FSTL4: variants seen among roughly 807,000 people sequenced by gnomAD.
FSTL4 encodes the protein follistatin like 4.
In FSTL4, 28 loss-of-function variants were observed where a neutral mutation model predicts 78.2. That is an observed-to-expected ratio of 0.36 (90% CI 0.27 to 0.49). The LOEUF is 0.49. Ranked by LOEUF, FSTL4 falls within the 20% of genes least tolerant of loss-of-function variation. FSTL4 has a pLI of 0.98. For synonymous variants in FSTL4, 422 were observed against 440.5 expected, an observed-to-expected ratio of 0.96 and a Z score of 0.53; for missense variants, 922 against 1,084.9, an observed-to-expected ratio of 0.85 and a Z score of 2.11.
At chr5:133,299,410 C>G (rs955065975) in intron 6 of FSTL4, among the ~76,000 whole-genome samples, 1 of 152,206 alleles carries the variant, frequency 6.6e-6, no homozygotes, top group African/African-American at 2.4e-5. Flanking sequence ...TTTCCCCCAC[C>G]CTGTGCTGTC....
chr5:133,582,115 G>A (rs1346643981), intron 2 of FSTL4, among the ~76,000 whole-genome samples: 1 of 152,222 alleles, frequency 6.6e-6, no homozygotes, highest in Non-Finnish European at 1.5e-5. Context: ...GCTTGGGCAG[G>A]CCCACACTCG....
the FSTL4 span, among the ~76,000 whole-genome samples, chr5:133,733,633 T>C: frequency 1.3e-5 from 2 of 152,386 alleles, no homozygotes; most frequent in Non-Finnish European, 2.9e-5. Context: ...AAAGGTGTTC[T>C]GTAGATAAAA....
chr5:133,232,190 G>C (rs892962047), intron 8 of FSTL4, among the ~76,000 whole-genome samples: 4 of 152,228 alleles, frequency 2.6e-5, no homozygotes, highest in Admixed American at 6.5e-5. Flanking sequence ...GCATCTCTGG[G>C]AGGTCTGGGC....
At chr5:133,466,090 C>G (rs1561727838) in intron 3 of FSTL4, among the ~76,000 whole-genome samples, 1 of 152,206 alleles carries the variant, frequency 6.6e-6, no homozygotes, top group African/African-American at 2.4e-5. Flanking sequence ...AAAGTGTTTA[C>G]CCACTTCTTG....
intron 4 of FSTL4, among the ~76,000 whole-genome samples, chr5:133,399,177 A>G (rs1363870709): frequency 4.6e-5 from 7 of 152,216 alleles, no homozygotes; most frequent in African/African-American, 1.7e-4. Context: ...GAAACCAGAG[A>G]ATGGAACATC....
intron 3 of FSTL4, among the ~76,000 whole-genome samples, chr5:133,507,434 T>A (rs1031523496): frequency 6.6e-6 from 1 of 152,086 alleles, no homozygotes; most frequent in Non-Finnish European, 1.5e-5. Flanking sequence ...CAGAGTCTAC[T>A]GCTCTTTTTT....
At chr5:133,373,235 G>A (rs897792199) in intron 4 of FSTL4, among the ~76,000 whole-genome samples, 2 of 152,326 alleles carry the variant, frequency 1.3e-5, no homozygotes, top group Middle Eastern at 3.4e-3. Context: ...GAAGGCCTGC[G>A]GCTATTACGA....
intron 4 of FSTL4, among the ~76,000 whole-genome samples, chr5:133,362,533 C>A (rs927225848): frequency 3.3e-5 from 5 of 152,256 alleles, no homozygotes; most frequent in Admixed American, 2.0e-4. Flanking sequence ...TCACCCAGCA[C>A]GTAGCCTGAG....
intron 2 of FSTL4, among the ~76,000 whole-genome samples, chr5:133,601,031 A>G (rs377302227): frequency 5.1e-4 from 77 of 152,350 alleles, no homozygotes; most frequent in African/African-American, 1.8e-3. Flanking sequence ...ACTACCCAGA[A>G]ACTATAACAC....
At chr5:133,537,277 C>A (rs978642688) in intron 3 of FSTL4, among the ~76,000 whole-genome samples, 2 of 152,178 alleles carry the variant, frequency 1.3e-5, no homozygotes, top group Non-Finnish European at 2.9e-5. Context: ...AATTAATTAG[C>A]CCCTTCAACA....
the FSTL4 span, among the ~76,000 whole-genome samples, chr5:133,624,608 A>T: frequency 2.0e-5 from 3 of 151,964 alleles, no homozygotes; most frequent in African/African-American, 7.2e-5. Context: ...AAACAAAAAA[A>T]AATACTCAAG....
At chr5:133,486,617 T>C (rs1174663858) in intron 3 of FSTL4, among the ~76,000 whole-genome samples, 1 of 152,142 alleles carries the variant, frequency 6.6e-6, no homozygotes, top group Non-Finnish European at 1.5e-5. Flanking sequence ...TCTCTTGTGC[T>C]AAGAAAGCCA....
At chr5:133,592,996 A>C (rs2112968635) in intron 2 of FSTL4, among the ~76,000 whole-genome samples, 1 of 152,328 alleles carries the variant, frequency 6.6e-6, no homozygotes, top group Admixed American at 6.5e-5. Context: ...TACCTGGACC[A>C]AGGTGCAACT....
At chr5:133,669,011 A>T in the FSTL4 span, among the ~76,000 whole-genome samples, 78,746 of 152,108 alleles carry the variant, frequency 0.52, 21,491 homozygotes, top group African/African-American at 0.68. Context: ...ATTCATTCCC[A>T]TTTAGCAAAT....
At chr5:133,840,202 A>G in the FSTL4 span, among the ~76,000 whole-genome samples, 5 of 152,240 alleles carry the variant, frequency 3.3e-5, no homozygotes, top group African/African-American at 1.2e-4. Context: ...GTTTAATAAA[A>G]CAGAGACAAT....
At chr5:133,390,217 C>T (rs1049675371) in intron 4 of FSTL4, among the ~76,000 whole-genome samples, 2 of 152,248 alleles carry the variant, frequency 1.3e-5, no homozygotes, top group Admixed American at 1.3e-4. Flanking sequence ...GGACGGAGTT[C>T]ACTGCATCTG....
chr5:133,206,310 C>G (rs974628652), intron 14 of FSTL4, among the ~76,000 whole-genome samples: 10 of 152,160 alleles, frequency 6.6e-5, no homozygotes, highest in African/African-American at 2.4e-4. Flanking sequence ...CAAGCATTCA[C>G]TCATTTCCTC....
intron 4 of FSTL4, among the ~76,000 whole-genome samples, chr5:133,337,021 C>A (rs541708234): frequency 6.6e-6 from 1 of 152,346 alleles, no homozygotes; most frequent in South Asian, 2.1e-4. Context: ...CACAGCAACA[C>A]ACCCCTGTCT....
chr5:133,660,465 G>A, the FSTL4 span, among the ~76,000 whole-genome samples: 1 of 152,326 alleles, frequency 6.6e-6, no homozygotes, highest in South Asian at 2.1e-4. Context: ...CTTACCTGCT[G>A]CCCTCCTGCT....
Sources: allele counts gnomAD v4.1 joint callset (sites outside exome capture counted in the v4.1 genomes callset), GRCh38; gene constraint gnomAD v4.1.1; transcripts MANE v1.5; gene names NCBI Gene and HGNC (gene_info 2026-07-23, HGNC 2026-07-21).